Variants in PPP3CA observed in about 807,000 individuals in gnomAD.
PPP3CA encodes protein phosphatase 3 catalytic subunit alpha.
A neutral mutation model predicts 66.5 loss-of-function variants in PPP3CA; 14 were observed. The ratio of observed to expected loss-of-function variants is 0.21; its 90% CI spans 0.14 to 0.33. PPP3CA has a LOEUF of 0.33. Ranked by LOEUF, PPP3CA falls within the 10% of genes least tolerant of loss-of-function variation. The probability of loss-of-function intolerance (pLI) is 1.00; values close to 1 mark genes in which losing one functional copy is unlikely to be tolerated. For missense variants in PPP3CA, 317 were observed against 639.5 expected, an observed-to-expected ratio of 0.50 and a Z score of 5.44; for synonymous variants, 232 against 226.2, an observed-to-expected ratio of 1.03 and a Z score of -0.23.
chr4:101,187,030 T>G (rs1351862134), intron 2 of PPP3CA, among the ~76,000 whole-genome samples: 2 of 152,226 alleles, frequency 1.3e-5, no homozygotes, highest in Non-Finnish European at 2.9e-5. Flanking sequence ...GATAGAAAGC[T>G]GAGATTTAAA....
At chr4:101,253,140 T>C (rs1298227293) in intron 1 of PPP3CA, among the ~76,000 whole-genome samples, 2 of 152,150 alleles carry the variant, frequency 1.3e-5, no homozygotes, top group African/African-American at 4.8e-5. Context: ...CATACTGAGA[T>C]TGCTCATTAA....
intron 6 of PPP3CA, among the ~76,000 whole-genome samples, chr4:101,091,686 T>C (rs534169817): frequency 5.3e-5 from 8 of 151,822 alleles, no homozygotes; most frequent in Non-Finnish European, 1.0e-4. Flanking sequence ...TAGAAGGATA[T>C]TTGCTTACTC....
intron 2 of PPP3CA, among the ~76,000 whole-genome samples, chr4:101,135,629 G>C (rs577122099): frequency 1.5e-4 from 23 of 152,230 alleles, no homozygotes; most frequent in Admixed American, 1.4e-3. Context: ...CAGAATAAAA[G>C]CAAATGAGTG....
chr4:101,040,444 T>C (rs901399962), intron 11 of PPP3CA, 38 bp downstream of exon 11: 1 of 1,450,486 alleles, frequency 6.9e-7, no homozygotes, highest in East Asian at 2.3e-5. Context: ...TGACACATAA[T>C]ACAATTTGAA....
intron 1 of PPP3CA, among the ~76,000 whole-genome samples, chr4:101,308,615 T>C (rs1728621901): frequency 6.6e-6 from 1 of 152,018 alleles, no homozygotes. Flanking sequence ...CCAGCTAACT[T>C]TTTAACTTTT....
intron 1 of PPP3CA, among the ~76,000 whole-genome samples, chr4:101,281,321 G>A (rs1031591603): frequency 3.2e-4 from 49 of 152,200 alleles, no homozygotes; most frequent in African/African-American, 1.2e-3. Context: ...GGGCTCAGGA[G>A]AAGCTTTATT....
chr4:101,330,459 T>C (rs768782201), intron 1 of PPP3CA: 14 of 531,196 alleles, frequency 2.6e-5, no homozygotes, highest in Non-Finnish European at 4.2e-5. Flanking sequence ...CCCAAGACAC[T>C]GACAGTTCAG....
chr4:101,025,618 C>A lies in PPP3CA; in HGVS notation c.*247G>T. ...GCTTTCTTTTTAAAATTTTTTTTCT[C>A]TATAAGCATTTTTAAAAGGCATACC... On this transcript the variant is annotated 3_prime_UTR_variant, in exon 14 of 14. Coordinates refer to ENST00000394854, the MANE Select transcript of PPP3CA (RefSeq NM_000944.5). The A allele has an allele frequency of 2.7e-6, 1 of 365,126 alleles. No homozygotes were observed. The highest frequency in any genetic ancestry group is 4.5e-5 in the East Asian group (1 of 22,352). 22.6% of individuals were successfully genotyped at this position (365,126 alleles called of 1,614,324 possible).
intron 1 of PPP3CA, among the ~76,000 whole-genome samples, chr4:101,331,603 G>GGAGAGACA (rs1381647391): frequency 1.3e-5 from 2 of 152,162 alleles, no homozygotes; most frequent in African/African-American, 2.4e-5. Context: ...GTTTCACACA[G>GGAGAGACA]GAGAGACAGA....
At chr4:101,251,919 T>G (rs1345635528) in intron 1 of PPP3CA, among the ~76,000 whole-genome samples, 1 of 152,048 alleles carries the variant, frequency 6.6e-6, no homozygotes, top group Middle Eastern at 3.2e-3. Flanking sequence ...AGGACAGAAA[T>G]AAGCCAATAC....
intron 2 of PPP3CA, among the ~76,000 whole-genome samples, chr4:101,118,749 C>T (rs1721927309): frequency 6.6e-6 from 1 of 151,910 alleles, no homozygotes; most frequent in South Asian, 2.1e-4. Flanking sequence ...CTGCTTGAAC[C>T]AGCTTTCACT....
intron 1 of PPP3CA, among the ~76,000 whole-genome samples, chr4:101,240,274 C>T (rs1386310719): frequency 7.9e-5 from 12 of 152,050 alleles, no homozygotes; most frequent in Admixed American, 7.9e-4. Flanking sequence ...CTCCAGAGGA[C>T]ATCATTACAC....
At chr4:101,170,735 C>T (rs1293126216) in intron 2 of PPP3CA, among the ~76,000 whole-genome samples, 1 of 152,098 alleles carries the variant, frequency 6.6e-6, no homozygotes, top group Admixed American at 6.6e-5. Flanking sequence ...GTTTCATCTA[C>T]CTTCACTCAA....
intron 1 of PPP3CA, among the ~76,000 whole-genome samples, chr4:101,229,471 G>T (rs181288793): frequency 5.3e-4 from 80 of 151,816 alleles, no homozygotes; most frequent in African/African-American, 1.8e-3. Flanking sequence ...TCTAGCAAAA[G>T]TGTATAATTT....
chr4:101,050,873 T>C (rs1367273131), intron 10 of PPP3CA, among the ~76,000 whole-genome samples: 1 of 152,162 alleles, frequency 6.6e-6, no homozygotes, highest in Non-Finnish European at 1.5e-5. Flanking sequence ...GATATGAACA[T>C]TCCAGTTTTT....
At chr4:101,027,681 A>G (rs1726722835) in intron 13 of PPP3CA, among the ~76,000 whole-genome samples, 1 of 152,208 alleles carries the variant, frequency 6.6e-6, no homozygotes, top group African/African-American at 2.4e-5. Context: ...ATTAACAGGT[A>G]TAAAAGTTTG....
intron 2 of PPP3CA, among the ~76,000 whole-genome samples, chr4:101,160,047 A>G (rs565947314): frequency 6.6e-6 from 1 of 152,314 alleles, no homozygotes; most frequent in South Asian, 2.1e-4. Context: ...AGCTAGGATA[A>G]GGTGACAACT....
chr4:101,311,847 G>A (rs1429213208), intron 1 of PPP3CA, among the ~76,000 whole-genome samples: 1 of 152,094 alleles, frequency 6.6e-6, no homozygotes, highest in Non-Finnish European at 1.5e-5. Context: ...CTCAGGTTCT[G>A]AACATACAAC....
At chr4:101,207,112 CAAAT>C (rs907371792) in intron 1 of PPP3CA, among the ~76,000 whole-genome samples, 2 of 152,080 alleles carry the variant, frequency 1.3e-5, no homozygotes, top group African/African-American at 4.8e-5. Context: ...TGCAGGGTCA[CAAAT>C]AAATCTGTTG....
Sources: allele counts gnomAD v4.1 joint callset (sites outside exome capture counted in the v4.1 genomes callset), GRCh38; gene constraint gnomAD v4.1.1; transcripts MANE v1.5; gene names NCBI Gene and HGNC (gene_info 2026-07-23, HGNC 2026-07-21).